KCNH5: variants seen among roughly 807,000 people sequenced by gnomAD.
KCNH5 encodes the protein voltage-gated delayed rectifier potassium channel KCNH5.
In KCNH5, 46 loss-of-function variants were observed where a neutral mutation model predicts 96.1. The observed-to-expected ratio is 0.48, with a 90% confidence interval of 0.38 to 0.61. The LOEUF (loss-of-function observed/expected upper bound fraction) is 0.61. Ranked by LOEUF, KCNH5 falls within the 20% of genes least tolerant of loss-of-function variation. The pLI, the probability that KCNH5 is intolerant of heterozygous loss-of-function variation, is 0.00. For synonymous variants in KCNH5, 439 were observed against 449.8 expected (o/e 0.98, Z 0.30); for missense variants, 907 against 1,225.8 (o/e 0.74, Z 3.88).
chr14:62,855,708 T>C (rs1887914019), intron 7 of KCNH5, among the ~76,000 whole-genome samples: 1 of 152,170 alleles, frequency 6.6e-6, no homozygotes, highest in South Asian at 2.1e-4. Flanking sequence ...TGTAATATAG[T>C]TTTATATTTT....
At chr14:62,721,349 A>G (rs923192436) in intron 10 of KCNH5, among the ~76,000 whole-genome samples, 5 of 152,196 alleles carry the variant, frequency 3.3e-5, no homozygotes, top group African/African-American at 1.2e-4. Context: ...AATTTTCTCA[A>G]AAACTTTAGT....
intron 10 of KCNH5, among the ~76,000 whole-genome samples, chr14:62,730,484 A>G (rs1684113598): frequency 6.6e-6 from 1 of 152,226 alleles, no homozygotes; most frequent in Non-Finnish European, 1.5e-5. Context: ...CCCACCATGG[A>G]TCAATTACTA....
In KCNH5 at chr14:63,006,384, G is replaced by T; in HGVS notation, c.286C>A (p.Leu96Ile). The change falls in exon 3 of 11, where the codon CTT (leucine) becomes ATT (isoleucine). Residue 96 changes from leucine (L) to isoleucine (I), a missense_variant. By Grantham distance (5) the Leu-to-Ile change is conservative. Around this residue, in one of 6 missense-constraint regions of KCNH5, gnomAD observed 370 missense variants for 561.3 expected, o/e 0.66. Transcript: ENST00000322893. The stretch of plus-strand genomic sequence containing the variant: ...TACCTACTGTTTTTCTTGTACAGAA[G>T]AACTTCAAAGCAGTTTGATTCGTAG... ...DNYESNCFEVLLYKKNRTPVW... is the reference protein window; with the variant it reads ...DNYESNCFEVILYKKNRTPVW... The T allele has an allele frequency of 6.2e-7, 1 of 1,608,220 alleles. No homozygotes were observed. The highest frequency in any genetic ancestry group is 8.5e-7 in the Non-Finnish European group (1 of 1,175,388).
rs756668140 is a variant in KCNH5 at position 62,813,701 on chromosome 14, T to C, written c.1570-11120A>G. Among the ~76,000 whole-genome samples, 9 of 152,192 alleles carry C rather than the reference T, an allele frequency of 5.9e-5. 1 individual carries two copies. The highest frequency in any genetic ancestry group is 1.3e-4 in the Non-Finnish European group (9 of 68,032). On this transcript the variant is annotated intron_variant, in intron 8 of 10. Coordinates refer to ENST00000322893, the MANE Select transcript of KCNH5 (RefSeq NM_139318.5). ...TGCACTGTTAATTAATCTCTCTTCA[T>C]GAATCTAATGGAGCTGGTATTATTA...
intron 10 of KCNH5, among the ~76,000 whole-genome samples, chr14:62,720,451 G>A (rs1392271248): frequency 1.3e-5 from 2 of 152,170 alleles, no homozygotes; most frequent in East Asian, 1.9e-4. Flanking sequence ...GCATGGTGGC[G>A]GACACCTGTA....
intron 8 of KCNH5, 22 bp downstream of exon 8, chr14:62,849,628 AAAT>A (rs1887764941): frequency 1.3e-6 from 2 of 1,589,316 alleles, no homozygotes; most frequent in African/African-American, 2.7e-5. Flanking sequence ...AATAGAAACT[AAAT>A]AATAACAATA....
chr14:62,964,663 C>A (rs1221795846), intron 6 of KCNH5, among the ~76,000 whole-genome samples: 1 of 152,094 alleles, frequency 6.6e-6, no homozygotes, highest in Non-Finnish European at 1.5e-5. Flanking sequence ...CTGCCTCTTT[C>A]AGAGGAAAAT....
chr14:62,980,109 G>A (rs1353177942), intron 6 of KCNH5, among the ~76,000 whole-genome samples: 1 of 152,174 alleles, frequency 6.6e-6, no homozygotes, highest in Non-Finnish European at 1.5e-5. Context: ...GCCATGTGAA[G>A]AAGGTCCTTG....
At chr14:62,840,761 G>T (rs1887568807) in intron 8 of KCNH5, among the ~76,000 whole-genome samples, 1 of 150,920 alleles carries the variant, frequency 6.6e-6, no homozygotes, top group South Asian at 2.1e-4. Context: ...GTAGAGACAG[G>T]GTTTCACCAT....
intron 10 of KCNH5, among the ~76,000 whole-genome samples, chr14:62,728,622 C>T (rs930002859): frequency 6.6e-6 from 1 of 152,126 alleles, no homozygotes; most frequent in African/African-American, 2.4e-5. Context: ...TGCTGTCATG[C>T]TGATTGACAT....
chr14:62,909,891 C>G (rs577110549), intron 7 of KCNH5, among the ~76,000 whole-genome samples: 1 of 152,064 alleles, frequency 6.6e-6, no homozygotes, highest in Non-Finnish European at 1.5e-5. Context: ...TTGTACTTAT[C>G]TCTTCTAACG....
chr14:62,836,414 A>G (rs1391318884), intron 8 of KCNH5, among the ~76,000 whole-genome samples: 3 of 152,150 alleles, frequency 2.0e-5, no homozygotes, highest in Non-Finnish European at 2.9e-5. Context: ...GTAAAATTAC[A>G]TATCCCTTAC....
intron 9 of KCNH5, among the ~76,000 whole-genome samples, chr14:62,781,517 G>A (rs527459977): frequency 2.0e-5 from 3 of 152,134 alleles, no homozygotes; most frequent in Non-Finnish European, 4.4e-5. Context: ...CTGCAGTCTC[G>A]ACCGTAAGAG....
chr14:62,804,309 G>C (rs1348251362), intron 8 of KCNH5, among the ~76,000 whole-genome samples: 1 of 152,062 alleles, frequency 6.6e-6, no homozygotes, highest in Admixed American at 6.6e-5. Context: ...AAAAGTAATT[G>C]ACGCTGTTTT....
In KCNH5 at chr14:62,972,514, A is replaced by C. The variant is rs901943993; in HGVS notation, c.942+8358T>G. ...AATCATGTTTCTTGGTATTTACCCAAATATGTTTAAAACTTATGTCCACAT... is the reference window on the plus strand; with the variant it reads ...AATCATGTTTCTTGGTATTTACCCACATATGTTTAAAACTTATGTCCACAT... On this transcript the variant is annotated intron_variant, in intron 6 of 10. Coordinates refer to ENST00000322893, the MANE Select transcript of KCNH5 (RefSeq NM_139318.5). Among the ~76,000 whole-genome samples, 8 of 152,232 alleles carry C rather than the reference A, an allele frequency of 5.3e-5. No individual in the cohort carries two copies. The East Asian group carries it at 1.5e-3, about 29-fold the overall frequency.
chr14:62,924,680 C>A (rs1889440179), intron 7 of KCNH5, among the ~76,000 whole-genome samples: 1 of 151,422 alleles, frequency 6.6e-6, no homozygotes, highest in Admixed American at 6.6e-5. Context: ...ATGGATGAAC[C>A]TGGAGGACAT....
At chr14:62,910,762 C>G (rs1231315481) in intron 7 of KCNH5, among the ~76,000 whole-genome samples, 4 of 152,130 alleles carry the variant, frequency 2.6e-5, no homozygotes, top group African/African-American at 9.7e-5. Flanking sequence ...CTTCCCAGCT[C>G]ACAGTTTTGC....
At chr14:63,010,209 A>T (rs1456387866) in intron 2 of KCNH5, among the ~76,000 whole-genome samples, 1 of 152,224 alleles carries the variant, frequency 6.6e-6, no homozygotes, top group Non-Finnish European at 1.5e-5. Flanking sequence ...TAATTTATGG[A>T]CAAGTCGTAT....
chr14:62,825,409 T>A (rs528209030), intron 8 of KCNH5, among the ~76,000 whole-genome samples: 10 of 151,568 alleles, frequency 6.6e-5, no homozygotes, highest in East Asian at 3.9e-4. Flanking sequence ...TTTTTCATAT[T>A]TTTTTTTGAC....
Sources: gnomAD v4.1 joint callset for allele counts (sites outside exome capture counted in the v4.1 genomes callset) on GRCh38, gnomAD v4.1.1 for gene constraint, gnomAD v4.1.1 regional missense constraint, MANE v1.5 for transcripts, NCBI Gene and HGNC (gene_info 2026-07-23, HGNC 2026-07-21) for gene names.